Variants in CELF4 observed in about 807,000 individuals in gnomAD.
CELF4 encodes CUG-BP- and ETR-3-like factor 4.
CELF4 carries 18 observed loss-of-function variants against 59.9 expected under a neutral mutation model. The ratio of observed to expected loss-of-function variants is 0.30; its 90% confidence interval spans 0.21 to 0.45. CELF4 has a LOEUF of 0.45. CELF4 is among the 20% of genes least tolerant of loss of function. CELF4 has a pLI of 1.00. For missense variants in CELF4, 456 were observed against 689.0 expected (o/e 0.66, Z 3.79); for synonymous variants, 261 against 267.1 (o/e 0.98, Z 0.22).
At chr18:37,519,481 A>T (rs1046739419) in intron 1 of CELF4, among the ~76,000 whole-genome samples, 1 of 152,130 alleles carries the variant, frequency 6.6e-6, no homozygotes, top group Non-Finnish European at 1.5e-5. Flanking sequence ...AAGAAAAAAA[A>T]ATTCCTCCTA....
In CELF4 at chr18:37,503,094, T is replaced by TCATG. The variant is rs990972773; in HGVS notation, c.287-17491_287-17488dup. Among the ~76,000 whole-genome samples the TCATG allele has an allele frequency of 3.8e-3, 582 of 152,234 alleles. 2 individuals are homozygous for TCATG. The highest frequency in any genetic ancestry group is 0.013 in the African/African-American group (553 of 41,536). On this transcript the variant is annotated intron_variant, in intron 1 of 12. Transcript: ENST00000420428. ...GGCACAGAGGGGTCGGATGGAATGC[T>TCATG]CATGGTCACTCACTATCTAGGGGGA... is the stretch of plus-strand genomic sequence containing the variant.
chr18:37,525,057 G>T (rs2099962244), intron 1 of CELF4, among the ~76,000 whole-genome samples: 1 of 152,112 alleles, frequency 6.6e-6, no homozygotes, highest in Non-Finnish European at 1.5e-5. Flanking sequence ...GGGGCCTCTT[G>T]CTTGGCCAGC....
At chr18:37,265,714 C>A (rs536555334) in intron 9 of CELF4, among the ~76,000 whole-genome samples, 1 of 152,270 alleles carries the variant, frequency 6.6e-6, no homozygotes, top group East Asian at 1.9e-4. Context: ...TCAGGGGACC[C>A]AAGAGGTGAC....
In CELF4 at chr18:37,271,000, C is replaced by G. The variant is rs896041080; in HGVS notation, c.950-83G>C. On this transcript the variant is annotated intron_variant, in intron 7 of 12. Coordinates refer to ENST00000420428, the MANE Select transcript of CELF4 (RefSeq NM_020180.4). ...AGGAAGGCCCACCCATAAAGCTTCA[C>G]TCAACTGTTTCCAAGGACCTGCGGA... 9.5e-6 allele frequency: 12 copies of G among 1,260,178 alleles called. No individual in the cohort carries two copies. In the African/African-American group the frequency reaches 1.7e-4, roughly 17 times the overall value. 78.1% of individuals were successfully genotyped at this position (1,260,178 alleles called of 1,614,324 possible).
intron 2 of CELF4, among the ~76,000 whole-genome samples, chr18:37,366,710 C>T (rs1166540792): frequency 6.6e-6 from 1 of 152,334 alleles, no homozygotes; most frequent in East Asian, 1.9e-4. Flanking sequence ...CATTGGAAGA[C>T]AAGAAGACTG....
chr18:37,410,406 C>T (rs143046920), intron 2 of CELF4, among the ~76,000 whole-genome samples: 3 of 152,356 alleles, frequency 2.0e-5, no homozygotes, highest in African/African-American at 7.2e-5. Flanking sequence ...CATGAAGGTC[C>T]AGGGCTGCAG....
At chr18:37,339,478 G>T (rs1279136581) in intron 2 of CELF4, among the ~76,000 whole-genome samples, 1 of 152,218 alleles carries the variant, frequency 6.6e-6, no homozygotes, top group Admixed American at 6.5e-5. Context: ...AGGTGGCCAG[G>T]CACAGTGGCT....
chr18:37,470,131 TC>T (rs753330745), intron 2 of CELF4, among the ~76,000 whole-genome samples: 39 of 152,160 alleles, frequency 2.6e-4, no homozygotes, highest in Non-Finnish European at 4.1e-4. Context: ...TGCTACCGAG[TC>T]AGAATAGAGG....
intron 3 of CELF4, among the ~76,000 whole-genome samples, chr18:37,283,174 G>A (rs1226598029): frequency 6.6e-6 from 1 of 151,858 alleles, no homozygotes; most frequent in Non-Finnish European, 1.5e-5. Flanking sequence ...CTTCGCCAGC[G>A]CTGCCTTCCA....
chr18:37,346,384 T>G (rs1294735296), intron 2 of CELF4, among the ~76,000 whole-genome samples: 4 of 152,084 alleles, frequency 2.6e-5, no homozygotes, highest in African/African-American at 9.7e-5. Flanking sequence ...AAGTGGGGAA[T>G]GAATGCAGAG....
At chr18:37,271,651 G>C (rs1316887186) in intron 7 of CELF4, among the ~76,000 whole-genome samples, 1 of 152,172 alleles carries the variant, frequency 6.6e-6, no homozygotes, top group Non-Finnish European at 1.5e-5. Context: ...GCCTCTCCAG[G>C]AGGAAGTTTT....
intron 2 of CELF4, among the ~76,000 whole-genome samples, chr18:37,391,285 A>G (rs191179293): frequency 5.3e-5 from 8 of 152,316 alleles, no homozygotes; most frequent in Admixed American, 2.0e-4. Flanking sequence ...TCTAGGACAC[A>G]TGGACACATG....
chr18:37,320,570 G>A (rs1307208030), intron 3 of CELF4, among the ~76,000 whole-genome samples: 2 of 152,128 alleles, frequency 1.3e-5, no homozygotes, highest in African/African-American at 2.4e-5. Flanking sequence ...GTGCCTCTGT[G>A]GGAACTTGGG....
At position 37,485,514 on chromosome 18, in the gene CELF4, G is replaced by A. The variant is rs1198665979; in HGVS notation, c.369+11C>T. The A allele has an allele frequency of 2.2e-6, 3 of 1,351,136 alleles. No individual in the cohort carries two copies. The highest frequency in any genetic ancestry group is 2.9e-6 in the Non-Finnish European group (3 of 1,042,426). The allele number at this position is 1,351,136 out of a possible 1,614,324, so 83.7% of individuals were successfully genotyped here. On this transcript the variant is annotated intron_variant, in intron 2 of 12. Coordinates refer to ENST00000420428, the MANE Select transcript of CELF4 (RefSeq NM_020180.4). ...GCGTCGGCCGCTTGCGCCACGGCGG[G>A]CGCCACTTACCCCGGGCAGAGTCTT...
At chr18:37,553,694 C>T (rs9961056) in intron 1 of CELF4, among the ~76,000 whole-genome samples, 16,328 of 152,160 alleles carry the variant, frequency 0.11, 2,249 homozygotes, top group African/African-American at 0.32. Flanking sequence ...GGCTCAGGCC[C>T]GGCTTGTCAA....
At chr18:37,334,642 C>T (rs796960479) in intron 2 of CELF4, among the ~76,000 whole-genome samples, 1 of 152,072 alleles carries the variant, frequency 6.6e-6, no homozygotes, top group Non-Finnish European at 1.5e-5. Context: ...TCCACTCCCC[C>T]CGGACTGTGG....
chr18:37,298,941 G>T (rs2154443937), intron 3 of CELF4, among the ~76,000 whole-genome samples: 1 of 152,286 alleles, frequency 6.6e-6, no homozygotes, highest in Non-Finnish European at 1.5e-5. Flanking sequence ...AGTCCCAGTA[G>T]GGCAGCGGTC....
chr18:37,475,131 T>C (rs1289346263), intron 2 of CELF4, among the ~76,000 whole-genome samples: 1 of 152,228 alleles, frequency 6.6e-6, no homozygotes, highest in African/African-American at 2.4e-5. Flanking sequence ...ACACCCCTTA[T>C]TGATTTCCTC....
At chr18:37,322,683 G>C (rs1245897789) in intron 2 of CELF4, among the ~76,000 whole-genome samples, 2 of 152,224 alleles carry the variant, frequency 1.3e-5, no homozygotes, top group Non-Finnish European at 2.9e-5. Context: ...GAGGCACCAG[G>C]GTGGGCTCTA....
Sources: gnomAD v4.1 joint callset for allele counts (sites outside exome capture counted in the v4.1 genomes callset) on GRCh38, gnomAD v4.1.1 for gene constraint, MANE v1.5 for transcripts, NCBI Gene and HGNC (gene_info 2026-07-23, HGNC 2026-07-21) for gene names.